TUSC3: variants seen among roughly 807,000 people sequenced by gnomAD.
TUSC3 encodes the protein dolichyl-diphosphooligosaccharide--protein glycosyltransferase subunit TUSC3.
In TUSC3, 45 loss-of-function variants were observed where a neutral mutation model predicts 44.8. The observed-to-expected ratio is 1.00, with a 90% CI of 0.79 to 1.29. The LOEUF (loss-of-function observed/expected upper bound fraction) is 1.29, where lower values mean the gene tolerates loss of function less well. Ranked by LOEUF, TUSC3 falls within the 50% of genes most tolerant of loss-of-function variation. The pLI is 0.00. For synonymous variants in TUSC3, 212 were observed against 152.9 expected, an observed-to-expected ratio of 1.39 and a Z score of -2.85; for missense variants, 519 against 437.9, an observed-to-expected ratio of 1.19 and a Z score of -1.65.
At chr8:15,632,648 T>C (rs1189907536) in intron 2 of TUSC3, among the ~76,000 whole-genome samples, 1 of 152,186 alleles carries the variant, frequency 6.6e-6, no homozygotes, top group East Asian at 1.9e-4. Context: ...GATATTACAT[T>C]AGTGATTGTG....
intron 7 of TUSC3, among the ~76,000 whole-genome samples, chr8:15,734,118 C>T (rs914094387): frequency 3.3e-5 from 5 of 152,148 alleles, no homozygotes; most frequent in Non-Finnish European, 2.9e-5. Flanking sequence ...TTGAACAATC[C>T]ATATTTTCTT....
intron 2 of TUSC3, among the ~76,000 whole-genome samples, chr8:15,493,367 C>T (rs946590376): frequency 2.6e-5 from 4 of 152,030 alleles, no homozygotes; most frequent in Non-Finnish European, 5.9e-5. Context: ...CTCAAGTGAT[C>T]CTCCTGCCAC....
intron 1 of TUSC3, among the ~76,000 whole-genome samples, chr8:15,431,699 T>G (rs1799875657): frequency 6.6e-6 from 1 of 151,758 alleles, no homozygotes; most frequent in Non-Finnish European, 1.5e-5. Context: ...ACTTCCAGTA[T>G]GTTGAATAGA....
intron 7 of TUSC3, among the ~76,000 whole-genome samples, chr8:15,739,779 C>T (rs1254726354): frequency 6.6e-6 from 1 of 152,144 alleles, no homozygotes; most frequent in Admixed American, 6.5e-5. Flanking sequence ...ATGTTCTTTG[C>T]CCAATGCTTG....
At chr8:15,757,240 G>T (rs1047216959) in intron 9 of TUSC3, among the ~76,000 whole-genome samples, 1 of 152,192 alleles carries the variant, frequency 6.6e-6, no homozygotes, top group Non-Finnish European at 1.5e-5. Context: ...AGTGGACACA[G>T]AAAGTGGCTT....
At chr8:15,547,669 G>T (rs1027284366) in intron 1 of TUSC3, among the ~76,000 whole-genome samples, 6 of 149,150 alleles carry the variant, frequency 4.0e-5, no homozygotes, top group African/African-American at 1.2e-4. Flanking sequence ...GTATTAGGAG[G>T]TGGGGCCTTT....
intron 6 of TUSC3, among the ~76,000 whole-genome samples, chr8:15,713,389 C>G (rs1378303484): frequency 2.0e-5 from 3 of 152,080 alleles, no homozygotes; most frequent in Non-Finnish European, 4.4e-5. Context: ...GTGTTACTGT[C>G]ATTGTTCAAA....
intron 2 of TUSC3, among the ~76,000 whole-genome samples, chr8:15,492,956 C>G (rs1022094707): frequency 1.3e-5 from 2 of 152,042 alleles, no homozygotes; most frequent in Admixed American, 1.3e-4. Flanking sequence ...TGCCACTGCA[C>G]TCCAGCCTGT....
intron 1 of TUSC3, among the ~76,000 whole-genome samples, chr8:15,610,559 A>T (rs1266752839): frequency 3.3e-5 from 5 of 152,190 alleles, no homozygotes; most frequent in Non-Finnish European, 5.9e-5. Context: ...TCTTATTGTT[A>T]TACTGATTTT....
intron 6 of TUSC3, among the ~76,000 whole-genome samples, chr8:15,679,036 TTGCTA>T (rs1808304086): frequency 6.6e-6 from 1 of 152,216 alleles, no homozygotes; most frequent in African/African-American, 2.4e-5. Context: ...TTTAATGTCT[TTGCTA>T]TTGTGAATAA....
At chr8:15,722,261 T>G (rs189525) in intron 6 of TUSC3, among the ~76,000 whole-genome samples, 59,479 of 150,084 alleles carry the variant, frequency 0.4, 11,909 homozygotes, top group East Asian at 0.53. Flanking sequence ...TTTTTTTTTT[T>G]TTCCTTTACC....
At chr8:15,748,496 T>C in intron 9 of TUSC3, 31 bp downstream of exon 9, 1 of 1,464,200 alleles carries the variant, frequency 6.8e-7, no homozygotes, top group Non-Finnish European at 9.6e-7. Context: ...TGAATGTTTT[T>C]ATTTTTAACT....
At chr8:15,622,160 C>T (rs138328869) in intron 1 of TUSC3, among the ~76,000 whole-genome samples, 448 of 152,178 alleles carry the variant, frequency 2.9e-3, no homozygotes, top group Non-Finnish European at 4.9e-3. Flanking sequence ...CTCTCCTGAC[C>T]GCTTATACTT....
At chr8:15,590,174 C>T (rs1803767059) in intron 1 of TUSC3, among the ~76,000 whole-genome samples, 1 of 152,284 alleles carries the variant, frequency 6.6e-6, no homozygotes, top group Non-Finnish European at 1.5e-5. Flanking sequence ...TTCCAATGTA[C>T]AGCCTGCTAA....
the TUSC3 span, among the ~76,000 whole-genome samples, chr8:15,847,768 A>C: frequency 6.6e-6 from 1 of 152,132 alleles, no homozygotes; most frequent in African/African-American, 2.4e-5. Flanking sequence ...TGCTTTTCTC[A>C]TAGAGTAGCA....
At chr8:15,479,928 A>T (rs1238729474) in intron 1 of TUSC3, among the ~76,000 whole-genome samples, 1 of 152,182 alleles carries the variant, frequency 6.6e-6, no homozygotes, top group Non-Finnish European at 1.5e-5. Flanking sequence ...AAAGCTTCTA[A>T]AGCTGATGAG....
At chr8:15,593,330 C>T (rs1803932812) in intron 1 of TUSC3, among the ~76,000 whole-genome samples, 1 of 152,104 alleles carries the variant, frequency 6.6e-6, no homozygotes, top group African/African-American at 2.4e-5. Context: ...AGGTGATCCG[C>T]CCGCTTCGGC....
intron 1 of TUSC3, among the ~76,000 whole-genome samples, chr8:15,569,348 C>A (rs7007947): frequency 6.6e-6 from 1 of 152,014 alleles, no homozygotes; most frequent in Non-Finnish European, 1.5e-5. Flanking sequence ...AAAATATATA[C>A]TCCATAAATA....
At chr8:15,463,451 G>T (rs1041298702) in intron 1 of TUSC3, among the ~76,000 whole-genome samples, 1 of 152,046 alleles carries the variant, frequency 6.6e-6, no homozygotes, top group African/African-American at 2.4e-5. Flanking sequence ...TATTACCGGT[G>T]TCATAATTGG....
Sources: allele counts gnomAD v4.1 joint callset (sites outside exome capture counted in the v4.1 genomes callset), GRCh38; gene constraint gnomAD v4.1.1; transcripts MANE v1.5; gene names NCBI Gene and HGNC (gene_info 2026-07-23, HGNC 2026-07-21).